The following ARRDC5 variants were observed in gnomAD, a reference collection of about 807,000 sequenced individuals.
ARRDC5 encodes the protein arrestin domain-containing protein 5.
In ARRDC5, 12 loss-of-function variants were observed where a neutral mutation model predicts 13.3. The ratio of observed to expected loss-of-function variants is 0.90; its 90% CI spans 0.58 to 1.46. The LOEUF (loss-of-function observed/expected upper bound fraction) is 1.46. Ranked by LOEUF, ARRDC5 falls within the 40% of genes most tolerant of loss-of-function variation. The probability of loss-of-function intolerance (pLI) is 0.00; values close to 1 mark genes in which losing one functional copy is unlikely to be tolerated. For missense variants in ARRDC5, 406 were observed against 418.7 expected, an observed-to-expected ratio of 0.97 and a Z score of 0.26; for synonymous variants, 181 against 173.4, an observed-to-expected ratio of 1.04 and a Z score of -0.34.
chr19:4,911,104 C>CCGA, the ARRDC5 span: 1 of 1,399,560 alleles, frequency 7.1e-7, no homozygotes, highest in Admixed American at 2.4e-5. Flanking sequence ...CAGCCACCAG[C>CCGA]CGATACTTTC....
At chr19:4,901,017 C>CA (rs779901716) in intron 1 of ARRDC5, among the ~76,000 whole-genome samples, 12,448 of 129,196 alleles carry the variant, frequency 0.096, 602 homozygotes, top group Admixed American at 0.2. Flanking sequence ...GATTCAGTCT[C>CA]AAAAAAAAAA....
the ARRDC5 span, among the ~76,000 whole-genome samples, chr19:4,915,242 A>C: frequency 1.3e-5 from 2 of 152,166 alleles, no homozygotes; most frequent in South Asian, 4.1e-4. Flanking sequence ...TGTCTGCGGG[A>C]GGGAGGGTCC....
chr19:4,893,232 G>A (rs1196581806), intron 2 of ARRDC5, among the ~76,000 whole-genome samples: 19 of 141,784 alleles, frequency 1.3e-4, no homozygotes, highest in Middle Eastern at 3.9e-3. Flanking sequence ...ATAGCCAGGC[G>A]CAGTGGCTCA....
At chr19:4,916,365 C>A in the ARRDC5 span, among the ~76,000 whole-genome samples, 1 of 151,968 alleles carries the variant, frequency 6.6e-6, no homozygotes, top group Admixed American at 6.6e-5. Context: ...AGAAGACAAG[C>A]GCGCCCCCTC....
At chr19:4,909,744 G>A in the ARRDC5 span, 2 of 489,022 alleles carry the variant, frequency 4.1e-6, no homozygotes, top group Admixed American at 8.8e-5. Context: ...CGGCCAGCCC[G>A]GGCGCACGCA....
the ARRDC5 span, chr19:4,910,871 C>G: frequency 1.2e-6 from 2 of 1,601,402 alleles, no homozygotes; most frequent in Non-Finnish European, 1.7e-6. Context: ...TGTCCCTCCC[C>G]TCAGCGCCGA....
At chr19:4,916,639 C>T in the ARRDC5 span, among the ~76,000 whole-genome samples, 111 of 151,880 alleles carry the variant, frequency 7.3e-4, no homozygotes, top group African/African-American at 2.6e-3. Flanking sequence ...GCGCCGTCCA[C>T]GCCACCGCCG....
chr19:4,911,703 G>A, the ARRDC5 span, among the ~76,000 whole-genome samples: 5 of 152,148 alleles, frequency 3.3e-5, no homozygotes, highest in Non-Finnish European at 5.9e-5. Flanking sequence ...TAGCTGCCAC[G>A]TTTGGGGCGC....
the ARRDC5 span, chr19:4,911,136 A>G: frequency 1.3e-5 from 16 of 1,205,190 alleles, no homozygotes; most frequent in Middle Eastern, 6.1e-4. Flanking sequence ...TCCCCCCCCA[A>G]CAACCTCGTC....
chr19:4,914,410 T>C, the ARRDC5 span, among the ~76,000 whole-genome samples: 2 of 152,096 alleles, frequency 1.3e-5, no homozygotes, highest in African/African-American at 4.8e-5. Flanking sequence ...TTTTTTTCCC[T>C]GTTTAAAGAA....
rs200589425 is a variant in ARRDC5, at chr19:4,902,531, G to T, written c.253+42C>A. The T allele has an allele frequency of 4.7e-4, 753 of 1,593,498 alleles. 3 individuals are homozygous for T. The highest frequency in any genetic ancestry group is 2.0e-4 in the Admixed American group (12 of 59,604). On this transcript the variant is annotated intron_variant, in intron 1 of 2. Coordinates refer to ENST00000650722, the MANE Select transcript of ARRDC5 (RefSeq NM_001080523.3). ...GGATGTGTTTATTTTCCAGACCCAG[G>T]TTCCTGTCATGGCTAGGGGTGGCTG...
At chr19:4,900,825 G>T (rs2031888641) in intron 1 of ARRDC5, among the ~76,000 whole-genome samples, 1 of 152,036 alleles carries the variant, frequency 6.6e-6, no homozygotes, top group Non-Finnish European at 1.5e-5. Context: ...TTCAAGACCA[G>T]CCTGACCAAC....
intron 1 of ARRDC5, among the ~76,000 whole-genome samples, chr19:4,899,545 T>C (rs2031843775): frequency 6.6e-6 from 1 of 150,930 alleles, no homozygotes; most frequent in East Asian, 2.0e-4. Context: ...GGCAGGAGAA[T>C]TGCTTGAACC....
At chr19:4,909,346 G>A in the ARRDC5 span, 1 of 592,298 alleles carries the variant, frequency 1.7e-6, no homozygotes, top group African/African-American at 2.0e-5. Context: ...TGGCCCACTA[G>A]GCGGAGGCGC....
At chr19:4,893,207 A>G (rs1223757402) in intron 2 of ARRDC5, among the ~76,000 whole-genome samples, 1 of 139,300 alleles carries the variant, frequency 7.2e-6, no homozygotes, top group African/African-American at 2.6e-5. Flanking sequence ...CATATTATAT[A>G]TATATTATAT....
At chr19:4,904,919 C>A (rs2032034288), upstream of ARRDC5, among the ~76,000 whole-genome samples, 1 of 152,048 alleles carries the variant, frequency 6.6e-6, no homozygotes, top group South Asian at 2.1e-4. Flanking sequence ...ATAGGAGGGG[C>A]TAGGAAGTAC....
chr19:4,908,728 C>A, the ARRDC5 span, among the ~76,000 whole-genome samples: 1 of 152,184 alleles, frequency 6.6e-6, no homozygotes. Context: ...AAATTATCTG[C>A]TTTAGTTATT....
chr19:4,897,266 T>C (rs767603530), intron 1 of ARRDC5, among the ~76,000 whole-genome samples: 1 of 152,004 alleles, frequency 6.6e-6, no homozygotes, highest in African/African-American at 2.4e-5. Flanking sequence ...CTTTTTTTGC[T>C]TGATTTATTG....
the ARRDC5 span, chr19:4,910,725 A>G: frequency 1.2e-6 from 1 of 816,404 alleles, no homozygotes; most frequent in Non-Finnish European, 1.8e-6. Context: ...GGTCCTGGCC[A>G]GGGTCTGGCT....
Sources: gnomAD v4.1 joint callset for allele counts (sites outside exome capture counted in the v4.1 genomes callset) on GRCh38, gnomAD v4.1.1 for gene constraint, MANE v1.5 for transcripts, NCBI Gene and HGNC (gene_info 2026-07-23, HGNC 2026-07-21) for gene names.